The following NPAS3 variants were observed in gnomAD, a reference collection of about 807,000 sequenced individuals.
The protein encoded by NPAS3 is neuronal PAS domain protein 3.
Under a neutral mutation model 73.1 loss-of-function variants are expected in NPAS3, and 14 were observed. The observed-to-expected ratio is 0.19, with a 90% CI of 0.13 to 0.30. NPAS3 has a LOEUF of 0.30. NPAS3 is among the 10% of genes least tolerant of loss of function. The probability of loss-of-function intolerance (pLI) is 1.00; values close to 1 mark genes in which losing one functional copy is unlikely to be tolerated. For synonymous variants in NPAS3, 620 were observed against 541.5 expected (o/e 1.14, Z -2.01); for missense variants, 1,096 against 1,250.0 (o/e 0.88, Z 1.86).
intron 4 of NPAS3, among the ~76,000 whole-genome samples, chr14:33,397,404 C>T (rs921601615): frequency 6.6e-6 from 1 of 152,006 alleles, no homozygotes; most frequent in African/African-American, 2.4e-5. Context: ...GAATTTACGC[C>T]ATTTGCCCCA....
At chr14:33,111,430 A>G (rs913175979) in intron 2 of NPAS3, among the ~76,000 whole-genome samples, 9 of 152,180 alleles carry the variant, frequency 5.9e-5, no homozygotes, top group Admixed American at 5.9e-4. Flanking sequence ...TTATTTAAAA[A>G]ATAGCCCTAT....
chr14:33,087,631 T>C (rs576291890), intron 2 of NPAS3, among the ~76,000 whole-genome samples: 1 of 152,312 alleles, frequency 6.6e-6, no homozygotes, highest in African/African-American at 2.4e-5. Flanking sequence ...AGTAGTATTA[T>C]ATTGTTAATG....
chr14:33,212,968 A>G (rs1353385634), intron 2 of NPAS3, among the ~76,000 whole-genome samples: 5 of 152,176 alleles, frequency 3.3e-5, no homozygotes, highest in Non-Finnish European at 7.3e-5. Flanking sequence ...GGCTTGCATG[A>G]CTTTTTAAAG....
intron 5 of NPAS3, among the ~76,000 whole-genome samples, chr14:33,624,602 AG>A (rs1483437774): frequency 6.6e-6 from 1 of 151,956 alleles, no homozygotes; most frequent in Non-Finnish European, 1.5e-5. Flanking sequence ...TAATTAAAGC[AG>A]AATATTAATC....
intron 2 of NPAS3, among the ~76,000 whole-genome samples, chr14:33,190,715 AT>A (rs1214015014): frequency 6.6e-6 from 1 of 152,146 alleles, no homozygotes; most frequent in Non-Finnish European, 1.5e-5. Context: ...TCTCTGCTGC[AT>A]GTGGAGTGCT....
chr14:32,974,072 T>C (rs1321499675), intron 1 of NPAS3, among the ~76,000 whole-genome samples: 1 of 152,226 alleles, frequency 6.6e-6, no homozygotes, highest in Non-Finnish European at 1.5e-5. Context: ...CAGTTAATAA[T>C]GAGGAATTAG....
chr14:33,263,035 G>C (rs2049031026), intron 3 of NPAS3, among the ~76,000 whole-genome samples: 1 of 152,124 alleles, frequency 6.6e-6, no homozygotes, highest in African/African-American at 2.4e-5. Flanking sequence ...TGTCAGATGA[G>C]TAGATTTCAA....
At chr14:33,054,558 A>G (rs905568301) in intron 1 of NPAS3, among the ~76,000 whole-genome samples, 1 of 152,146 alleles carries the variant, frequency 6.6e-6, no homozygotes, top group African/African-American at 2.4e-5. Context: ...GGCTTTATGA[A>G]ATATTAAGTA....
At chr14:33,461,946 T>A (rs1594951860) in intron 4 of NPAS3, among the ~76,000 whole-genome samples, 1 of 152,162 alleles carries the variant, frequency 6.6e-6, no homozygotes, top group Non-Finnish European at 1.5e-5. Context: ...TCAGTAGAAG[T>A]CAAGGGTTGT....
At chr14:33,170,691 G>A (rs922390425) in intron 2 of NPAS3, among the ~76,000 whole-genome samples, 1 of 152,112 alleles carries the variant, frequency 6.6e-6, no homozygotes, top group Non-Finnish European at 1.5e-5. Context: ...CAAGAAACAA[G>A]TTTCTTTGCT....
At chr14:32,967,523 A>G (rs2037225854) in intron 1 of NPAS3, among the ~76,000 whole-genome samples, 1 of 152,202 alleles carries the variant, frequency 6.6e-6, no homozygotes, top group Non-Finnish European at 1.5e-5. Flanking sequence ...AAGAATGGGC[A>G]AGACATCTGA....
intron 2 of NPAS3, among the ~76,000 whole-genome samples, chr14:33,067,134 C>T (rs1287592446): frequency 6.6e-6 from 1 of 152,190 alleles, no homozygotes; most frequent in East Asian, 1.9e-4. Flanking sequence ...TCTGTGTGGC[C>T]CAGCACTTCT....
At chr14:33,301,336 A>C in intron 3 of NPAS3, among the ~76,000 whole-genome samples, 1 of 126,604 alleles carries the variant, frequency 7.9e-6, no homozygotes, top group East Asian at 2.1e-4. Flanking sequence ...TTTTTTTTTA[A>C]ATCTAGCTGT....
intron 4 of NPAS3, among the ~76,000 whole-genome samples, chr14:33,454,651 G>C (rs1008994482): frequency 6.6e-6 from 1 of 152,166 alleles, no homozygotes; most frequent in African/African-American, 2.4e-5. Flanking sequence ...CATGGTATTT[G>C]AGAGCTGCAA....
At chr14:33,732,771 CT>C (rs2061431242) in intron 6 of NPAS3, among the ~76,000 whole-genome samples, 2 of 152,184 alleles carry the variant, frequency 1.3e-5, no homozygotes, top group Admixed American at 1.3e-4. Context: ...AACGTTGCCC[CT>C]GTATGTTTAG....
chr14:33,277,946 C>A (rs1253662313), intron 3 of NPAS3, among the ~76,000 whole-genome samples: 1 of 152,030 alleles, frequency 6.6e-6, no homozygotes, highest in Non-Finnish European at 1.5e-5. Context: ...GAGACTAGTT[C>A]AGAGGACCGT....
intron 4 of NPAS3, among the ~76,000 whole-genome samples, chr14:33,382,955 T>C (rs2138476036): frequency 6.6e-6 from 1 of 151,956 alleles, no homozygotes; most frequent in East Asian, 1.9e-4. Context: ...GGTATGATAG[T>C]GTGTGCCTGT....
chr14:33,484,471 A>G (rs2051484369), intron 4 of NPAS3, among the ~76,000 whole-genome samples: 1 of 152,184 alleles, frequency 6.6e-6, no homozygotes, highest in Admixed American at 6.6e-5. Flanking sequence ...GACAGGAAGC[A>G]CTCAGTAACG....
chr14:33,148,128 A>G (rs2044314346), intron 2 of NPAS3, among the ~76,000 whole-genome samples: 2 of 152,140 alleles, frequency 1.3e-5, no homozygotes, highest in Admixed American at 1.3e-4. Context: ...ATAAGTAACC[A>G]TAGGGGGCAA....
Sources: allele counts gnomAD v4.1 joint callset (sites outside exome capture counted in the v4.1 genomes callset), GRCh38; gene constraint gnomAD v4.1.1; transcripts MANE v1.5; gene names NCBI Gene and HGNC (gene_info 2026-07-23, HGNC 2026-07-21).